Variants in CTNNA3 observed in about 807,000 individuals in gnomAD.
CTNNA3 encodes the protein catenin alpha-3.
Under a neutral mutation model 95.7 loss-of-function variants are expected in CTNNA3, and 76 were observed. The ratio of observed to expected loss-of-function variants is 0.79; its 90% CI spans 0.66 to 0.96. The LOEUF is 0.96. CTNNA3 is among the 40% of genes least tolerant of loss of function. The probability of loss-of-function intolerance (pLI) is 0.00; values close to 1 mark genes in which losing one functional copy is unlikely to be tolerated. For synonymous variants in CTNNA3, 431 were observed against 374.4 expected (o/e 1.15, Z -1.74); for missense variants, 1,191 against 1,089.8 (o/e 1.09, Z -1.31).
intron 7 of CTNNA3, among the ~76,000 whole-genome samples, chr10:67,049,910 C>T (rs1421017542): frequency 6.6e-6 from 1 of 152,128 alleles, no homozygotes; most frequent in Non-Finnish European, 1.5e-5. Flanking sequence ...TTAGCATATG[C>T]TGTGTTTCAC....
chr10:67,664,531 A>G (rs1840281850), intron 1 of CTNNA3, among the ~76,000 whole-genome samples: 1 of 152,212 alleles, frequency 6.6e-6, no homozygotes, highest in South Asian at 2.1e-4. Context: ...TCATCTATCC[A>G]TAATACACCA....
chr10:66,275,573 A>T (rs568575224), intron 13 of CTNNA3, among the ~76,000 whole-genome samples: 1 of 152,378 alleles, frequency 6.6e-6, no homozygotes, highest in African/African-American at 2.4e-5. Flanking sequence ...AAGTAAAAAT[A>T]TAAATGGTAA....
intron 5 of CTNNA3, among the ~76,000 whole-genome samples, chr10:67,388,280 C>T (rs1462771366): frequency 7.6e-6 from 1 of 131,458 alleles, no homozygotes; most frequent in African/African-American, 2.9e-5. Context: ...CCTCAGGAGC[C>T]GATGCGATCA....
At chr10:67,365,030 T>C (rs1246031861) in intron 5 of CTNNA3, among the ~76,000 whole-genome samples, 1 of 152,096 alleles carries the variant, frequency 6.6e-6, no homozygotes, top group Non-Finnish European at 1.5e-5. Context: ...AACAGAAGCA[T>C]AGACCAATGC....
chr10:67,729,801 G>A (rs1257710004), intron 1 of CTNNA3, among the ~76,000 whole-genome samples: 1 of 152,070 alleles, frequency 6.6e-6, no homozygotes, highest in East Asian at 1.9e-4. Flanking sequence ...GGTTATAAAT[G>A]TACTAAATGC....
intron 15 of CTNNA3, among the ~76,000 whole-genome samples, chr10:66,061,589 C>G (rs963774365): frequency 2.0e-5 from 3 of 151,996 alleles, no homozygotes; most frequent in Non-Finnish European, 2.9e-5. Flanking sequence ...AAAAGAAAAA[C>G]TGTCAATTTT....
intron 16 of CTNNA3, among the ~76,000 whole-genome samples, chr10:65,969,480 G>A (rs973141798): frequency 6.6e-6 from 1 of 151,998 alleles, no homozygotes; most frequent in African/African-American, 2.4e-5. Context: ...TGGATTGCAA[G>A]GAAGCTCAAT....
chr10:65,963,605 A>G (rs1323081813), intron 17 of CTNNA3, among the ~76,000 whole-genome samples: 3 of 152,182 alleles, frequency 2.0e-5, no homozygotes, highest in African/African-American at 4.8e-5. Flanking sequence ...ATATTCAGGT[A>G]CATTTTATGT....
intron 5 of CTNNA3, among the ~76,000 whole-genome samples, chr10:67,287,315 G>T (rs1720713567): frequency 6.6e-6 from 1 of 151,996 alleles, no homozygotes; most frequent in Admixed American, 6.6e-5. Flanking sequence ...TCCAGCCTGG[G>T]CAACAGAGTG....
intron 5 of CTNNA3, among the ~76,000 whole-genome samples, chr10:67,310,794 T>A (rs1406395141): frequency 6.6e-6 from 1 of 152,138 alleles, no homozygotes; most frequent in African/African-American, 2.4e-5. Flanking sequence ...CCCCCATGAT[T>A]CAATACCTCC....
intron 9 of CTNNA3, among the ~76,000 whole-genome samples, chr10:66,736,017 G>A (rs1849124759): frequency 1.3e-5 from 2 of 152,106 alleles, no homozygotes; most frequent in African/African-American, 4.8e-5. Flanking sequence ...CAGCATCCCA[G>A]AAATAGAAAA....
At chr10:66,875,313 T>C (rs1173926004) in intron 7 of CTNNA3, among the ~76,000 whole-genome samples, 2 of 151,940 alleles carry the variant, frequency 1.3e-5, no homozygotes, top group Admixed American at 1.3e-4. Context: ...AAAATAAACC[T>C]GGGTCCTATT....
At chr10:67,566,072 T>TATATATATATATATATATATATATATAC (rs1265158791) in intron 3 of CTNNA3, among the ~76,000 whole-genome samples, 12 of 102,158 alleles carry the variant, frequency 1.2e-4, no homozygotes, top group Non-Finnish European at 2.0e-4. Context: ...TATATATATA[T>TATATATATATATATATATATATATATAC]ACAAAACCTA....
At chr10:67,573,512 T>G (rs927289433) in intron 3 of CTNNA3, among the ~76,000 whole-genome samples, 19 of 152,068 alleles carry the variant, frequency 1.2e-4, no homozygotes, top group African/African-American at 4.6e-4. Context: ...ACTGACAGGA[T>G]TGAACACATA....
At chr10:67,197,917 T>G (rs1419009480) in intron 6 of CTNNA3, among the ~76,000 whole-genome samples, 2 of 152,108 alleles carry the variant, frequency 1.3e-5, no homozygotes, top group African/African-American at 4.8e-5. Flanking sequence ...TAAAGCTACA[T>G]TGTCTTGGTA....
intron 2 of CTNNA3, among the ~76,000 whole-genome samples, chr10:67,620,593 G>T (rs903666373): frequency 6.6e-6 from 1 of 152,082 alleles, no homozygotes; most frequent in Non-Finnish European, 1.5e-5. Context: ...GATCACTTAC[G>T]AAAGATAAAC....
intron 5 of CTNNA3, among the ~76,000 whole-genome samples, chr10:67,338,296 G>T (rs960201943): frequency 6.6e-6 from 1 of 152,030 alleles, no homozygotes; most frequent in Non-Finnish European, 1.5e-5. Flanking sequence ...AGCAAGGTGT[G>T]GGGGGAGGTG....
chr10:66,840,922 G>A (rs1326324747), intron 7 of CTNNA3, among the ~76,000 whole-genome samples: 1 of 152,100 alleles, frequency 6.6e-6, no homozygotes, highest in East Asian at 1.9e-4. Context: ...TGTAAAATGA[G>A]ATGATTAGAA....
rs113737180 is a variant in CTNNA3, at chr10:66,680,742, T to C, written c.1282-58958A>G. Among the ~76,000 whole-genome samples, 1,147 of 152,236 alleles carry C rather than the reference T, an allele frequency of 7.5e-3. 7 individuals carry two copies. Among genetic ancestry groups the C allele is most frequent in the Non-Finnish European group, 0.013 (874 of 68,024 alleles). On this transcript the variant is annotated intron_variant, in intron 9 of 17. Coordinates refer to ENST00000433211, the MANE Select transcript of CTNNA3 (RefSeq NM_013266.4). ...ATACTTAGGAATGATTCAGACAAGA[T>C]GGGAGACAGGGTAGGAATAGAAACA...
Sources: allele counts gnomAD v4.1 joint callset (sites outside exome capture counted in the v4.1 genomes callset), GRCh38; gene constraint gnomAD v4.1.1; transcripts MANE v1.5; gene names NCBI Gene and HGNC (gene_info 2026-07-23, HGNC 2026-07-21).